Variants in FHIT observed in about 807,000 individuals in gnomAD.
FHIT encodes the protein fragile histidine triad diadenosine triphosphatase.
A neutral mutation model predicts 17.9 loss-of-function variants in FHIT; 19 were observed. The observed-to-expected ratio is 1.06, with a 90% CI of 0.74 to 1.56. The LOEUF (loss-of-function observed/expected upper bound fraction) is 1.56, where lower values mean the gene tolerates loss of function less well. Among genes scored for constraint, FHIT ranks in the 40% most tolerant of loss-of-function variants. The pLI is 0.00. For missense variants in FHIT, 248 were observed against 189.2 expected, an observed-to-expected ratio of 1.31 and a Z score of -1.82; for synonymous variants, 81 against 69.7, an observed-to-expected ratio of 1.16 and a Z score of -0.81.
At chr3:59,905,787 G>A (rs962606863) in intron 8 of FHIT, among the ~76,000 whole-genome samples, 7 of 152,038 alleles carry the variant, frequency 4.6e-5, no homozygotes, top group Admixed American at 6.6e-5. Flanking sequence ...GAACAAAAAC[G>A]TCAACGTTCA....
At chr3:60,752,973 G>A (rs782012035) in intron 4 of FHIT, among the ~76,000 whole-genome samples, 20 of 152,182 alleles carry the variant, frequency 1.3e-4, no homozygotes, top group Non-Finnish European at 2.1e-4. Flanking sequence ...ACAGCCCTAA[G>A]AGAAGCAATA....
intron 5 of FHIT, among the ~76,000 whole-genome samples, chr3:60,494,951 G>A (rs186224619): frequency 2.2e-4 from 33 of 152,196 alleles, no homozygotes; most frequent in South Asian, 1.0e-3. Context: ...AGCGCAGATC[G>A]CTCTGTGATA....
At chr3:60,679,257 C>T (rs1272988613) in intron 4 of FHIT, among the ~76,000 whole-genome samples, 1 of 152,090 alleles carries the variant, frequency 6.6e-6, no homozygotes, top group Non-Finnish European at 1.5e-5. Context: ...TCCAACTGGA[C>T]AAAACAACTT....
intron 4 of FHIT, among the ~76,000 whole-genome samples, chr3:60,703,839 G>C (rs1185343942): frequency 6.6e-6 from 1 of 151,822 alleles, no homozygotes; most frequent in Non-Finnish European, 1.5e-5. Context: ...TTTTCTAGTG[G>C]TACATGTTTA....
intron 5 of FHIT, among the ~76,000 whole-genome samples, chr3:60,514,940 C>A (rs749984362): frequency 2.0e-5 from 3 of 151,770 alleles, no homozygotes; most frequent in South Asian, 2.1e-4. Flanking sequence ...TGGTGGGAAG[C>A]CAGGCTGTAA....
At chr3:60,172,424 C>A (rs998376543) in intron 5 of FHIT, among the ~76,000 whole-genome samples, 14 of 151,682 alleles carry the variant, frequency 9.2e-5, no homozygotes, top group Non-Finnish European at 1.6e-4. Context: ...CACCACCACG[C>A]CTGGCTAATT....
At chr3:59,986,566 CACATATAT>C (rs1708933932) in intron 7 of FHIT, among the ~76,000 whole-genome samples, 1 of 67,840 alleles carries the variant, frequency 1.5e-5, no homozygotes. Flanking sequence ...CACACACACA[CACATATAT>C]ACACACACAC....
At chr3:60,147,610 TG>T (rs1700295663) in intron 5 of FHIT, among the ~76,000 whole-genome samples, 1 of 152,130 alleles carries the variant, frequency 6.6e-6, no homozygotes, top group Non-Finnish European at 1.5e-5. Flanking sequence ...GAATCCTATT[TG>T]TTTATACACT....
intron 5 of FHIT, among the ~76,000 whole-genome samples, chr3:60,382,076 G>A (rs982555520): frequency 1.3e-5 from 2 of 152,172 alleles, no homozygotes; most frequent in African/African-American, 4.8e-5. Flanking sequence ...TTGGACAGTG[G>A]CTAGCCTAGA....
chr3:59,884,275 G>C lies in FHIT; in HGVS notation c.348+38071C>G, dbSNP rs150799330. Reference sequence around the variant, plus strand: ...TATATTTTATGATTACTCACAAATTGTGTGGTGCACATTTTATATCAGTAA... The same window carrying C: ...TATATTTTATGATTACTCACAAATTCTGTGGTGCACATTTTATATCAGTAA... On this transcript the variant is annotated intron_variant, in intron 8 of 9. Transcript: ENST00000492590. Among the ~76,000 whole-genome samples the C allele has an allele frequency of 1.0e-3, 153 of 152,292 alleles. 1 individual carries two copies. The highest frequency in any genetic ancestry group is 3.4e-3 in the African/African-American group (143 of 41,544).
intron 3 of FHIT, among the ~76,000 whole-genome samples, chr3:60,955,599 T>TAC (rs1553778448): frequency 2.8e-4 from 3 of 10,664 alleles, no homozygotes; most frequent in African/African-American, 6.2e-4. Context: ...TATATATACA[T>TAC]ATATATATAT....
At chr3:60,556,744 G>A (rs1255624365) in intron 4 of FHIT, among the ~76,000 whole-genome samples, 1 of 152,236 alleles carries the variant, frequency 6.6e-6, no homozygotes, top group Non-Finnish European at 1.5e-5. Flanking sequence ...GCTGGTGGTA[G>A]AGAAGAGGAG....
intron 4 of FHIT, among the ~76,000 whole-genome samples, chr3:60,632,573 C>G (rs1553682715): frequency 6.6e-6 from 1 of 152,168 alleles, no homozygotes; most frequent in African/African-American, 2.4e-5. Flanking sequence ...ATTTCCAGGT[C>G]TGGCTCACAA....
chr3:60,204,458 G>GTTT (rs367700440), intron 5 of FHIT, among the ~76,000 whole-genome samples: 14 of 128,302 alleles, frequency 1.1e-4, no homozygotes, highest in African/African-American at 3.4e-4. Flanking sequence ...TTTTTTTTTT[G>GTTT]TTTTGTTTTT....
At chr3:60,572,770 T>C (rs57500258) in intron 4 of FHIT, among the ~76,000 whole-genome samples, 1,858 of 152,262 alleles carry the variant, frequency 0.012, 35 homozygotes, top group African/African-American at 0.041. Flanking sequence ...TCATTTCTTT[T>C]GACAGCCTAG....
chr3:60,382,060 G>C (rs1700820752), intron 5 of FHIT, among the ~76,000 whole-genome samples: 1 of 152,098 alleles, frequency 6.6e-6, no homozygotes. Context: ...CACAAATATG[G>C]TTCCATTGGA....
intron 5 of FHIT, among the ~76,000 whole-genome samples, chr3:60,150,590 G>A (rs1409788940): frequency 6.6e-6 from 1 of 152,102 alleles, no homozygotes; most frequent in African/African-American, 2.4e-5. Context: ...GAAAGTCGCT[G>A]AGACTATAGG....
chr3:59,901,664 C>A (rs1704336018), intron 8 of FHIT, among the ~76,000 whole-genome samples: 1 of 152,124 alleles, frequency 6.6e-6, no homozygotes, highest in Non-Finnish European at 1.5e-5. Context: ...AAACTAGAAT[C>A]TTCTTACACT....
intron 7 of FHIT, among the ~76,000 whole-genome samples, chr3:60,008,816 T>C (rs1700019170): frequency 6.6e-6 from 1 of 152,244 alleles, no homozygotes; most frequent in Non-Finnish European, 1.5e-5. Context: ...GATGCTGCTT[T>C]GTCCCCTAGA....
Sources: gnomAD v4.1 joint callset for allele counts (sites outside exome capture counted in the v4.1 genomes callset) on GRCh38, gnomAD v4.1.1 for gene constraint, MANE v1.5 for transcripts, NCBI Gene and HGNC (gene_info 2026-07-23, HGNC 2026-07-21) for gene names.